Variants in UNC5C observed in about 807,000 individuals in gnomAD.
The protein encoded by UNC5C is unc-5 netrin receptor C, also known as netrin receptor UNC5C.
Under a neutral mutation model 99.8 loss-of-function variants are expected in UNC5C, and 47 were observed. The observed-to-expected ratio is 0.47, with a 90% CI of 0.37 to 0.60. The LOEUF is 0.60. Among genes scored for constraint, UNC5C ranks in the 20% least tolerant of loss-of-function variants. UNC5C has a pLI of 0.00. For missense variants in UNC5C, 1,062 were observed against 1,165.9 expected (o/e 0.91, Z 1.30); for synonymous variants, 487 against 452.2 (o/e 1.08, Z -0.98).
chr4:95,511,701 G>A (rs965567040), intron 1 of UNC5C, among the ~76,000 whole-genome samples: 3 of 152,116 alleles, frequency 2.0e-5, no homozygotes, highest in Non-Finnish European at 4.4e-5. Flanking sequence ...CCTGCTAGAT[G>A]CATAGGAGAT....
intron 2 of UNC5C, among the ~76,000 whole-genome samples, chr4:95,332,044 C>T (rs1311577360): frequency 2.0e-5 from 3 of 152,010 alleles, no homozygotes; most frequent in Non-Finnish European, 2.9e-5. Context: ...AGGAGAACTA[C>T]AAACCACTGC....
chr4:95,383,262 TACAC>T (rs35068196), intron 1 of UNC5C, among the ~76,000 whole-genome samples: 33,961 of 150,818 alleles, frequency 0.23, 4,424 homozygotes, highest in East Asian at 0.63. Flanking sequence ...TGTGTGTGTT[TACAC>T]ACACACACAC....
At chr4:95,270,124 T>G (rs1028195714) in intron 4 of UNC5C, among the ~76,000 whole-genome samples, 1 of 152,196 alleles carries the variant, frequency 6.6e-6, no homozygotes, top group Non-Finnish European at 1.5e-5. Flanking sequence ...TATTATTTTC[T>G]TATTTCTCCC....
chr4:95,224,343 G>A (rs947868246), intron 7 of UNC5C, among the ~76,000 whole-genome samples: 1 of 152,196 alleles, frequency 6.6e-6, no homozygotes, highest in African/African-American at 2.4e-5. Flanking sequence ...GCTGCGTCTT[G>A]CAAAAGGAAA....
chr4:95,544,520 C>T (rs1723009181), intron 1 of UNC5C, among the ~76,000 whole-genome samples: 4 of 152,190 alleles, frequency 2.6e-5, no homozygotes, highest in Admixed American at 2.6e-4. Flanking sequence ...CCTGTGTCCG[C>T]TTTTATACTT....
At chr4:95,480,931 C>T (rs979382950) in intron 1 of UNC5C, among the ~76,000 whole-genome samples, 3 of 151,230 alleles carry the variant, frequency 2.0e-5, no homozygotes, top group African/African-American at 7.3e-5. Flanking sequence ...TGGAAGCATT[C>T]CCTTTGAAAA....
intron 3 of UNC5C, among the ~76,000 whole-genome samples, chr4:95,298,771 A>G (rs1008824193): frequency 6.6e-6 from 1 of 152,126 alleles, no homozygotes; most frequent in African/African-American, 2.4e-5. Context: ...TTTTGTTTCT[A>G]GTACCAACCC....
chr4:95,242,425 T>A lies in UNC5C; in HGVS notation c.1108+4A>T. ...ATGTCTGCAGTTTGCTTAAATTGAC[T>A]TACTCTGCATGCAAAGCCCATCAGT... On this transcript the variant is annotated splice_donor_region_variant and intron_variant, in intron 7 of 15. Transcript: ENST00000453304. The A allele has an allele frequency of 6.2e-7, 1 of 1,614,156 alleles. No individual in the cohort carries two copies. The highest frequency in any genetic ancestry group is 8.5e-7 in the Non-Finnish European group (1 of 1,180,010).
chr4:95,270,754 T>C (rs776780622), intron 4 of UNC5C, among the ~76,000 whole-genome samples: 1 of 152,214 alleles, frequency 6.6e-6, no homozygotes, highest in Non-Finnish European at 1.5e-5. Context: ...AAAATGACTA[T>C]ATGTAATAAC....
intron 1 of UNC5C, among the ~76,000 whole-genome samples, chr4:95,398,322 C>T (rs930438367): frequency 2.0e-5 from 3 of 152,030 alleles, no homozygotes; most frequent in African/African-American, 7.2e-5. Context: ...AAGAAACCAT[C>T]ATCCCTTGAT....
intron 1 of UNC5C, among the ~76,000 whole-genome samples, chr4:95,477,686 C>T (rs549807255): frequency 3.9e-5 from 6 of 152,024 alleles, no homozygotes; most frequent in Non-Finnish European, 5.9e-5. Context: ...GTTCAGCAAA[C>T]TCCTGTTACA....
chr4:95,305,829 A>T (rs1742042381), intron 2 of UNC5C, among the ~76,000 whole-genome samples: 1 of 152,202 alleles, frequency 6.6e-6, no homozygotes. Context: ...GAATATAGAA[A>T]TTCAGATTCA....
chr4:95,482,498 C>T (rs1721190523), intron 1 of UNC5C, among the ~76,000 whole-genome samples: 2 of 148,778 alleles, frequency 1.3e-5, no homozygotes, highest in Admixed American at 1.3e-4. Flanking sequence ...ACCCAGCCAT[C>T]CCATTACTGG....
Position 95,350,249 on chromosome 4 carries a change from A to T in UNC5C, c.125-14618T>A, listed in dbSNP as rs1467619418. ...ACGCCTGTAATTCCAGCACTTTGGG[A>T]GGCCGAAGTGGGCAGATCATGAAGT... On this transcript the variant is annotated intron_variant, in intron 1 of 15. Coordinates refer to ENST00000453304, the MANE Select transcript of UNC5C (RefSeq NM_003728.4). Among the ~76,000 whole-genome samples the T allele has an allele frequency of 3.9e-5, 6 of 152,016 alleles. No homozygotes were observed. The South Asian group carries it at 6.2e-4, about 16-fold the overall frequency.
rs116298607 is a variant in UNC5C at position 95,534,358 on chromosome 4, T to C, written c.124+14376A>G. ...AATATATTGGGTTATGTTCTTCCTA[T>C]CAAGTTGACACATTCTGAAGATAAG... is the stretch of plus-strand genomic sequence containing the variant. On this transcript the variant is annotated intron_variant, in intron 1 of 15. Coordinates refer to ENST00000453304, the MANE Select transcript of UNC5C (RefSeq NM_003728.4). 4.9e-3 allele frequency among the ~76,000 whole-genome samples: 748 copies of C among 152,324 alleles called. 5 individuals carry two copies. Among genetic ancestry groups the C allele is most frequent in the African/African-American group, 0.014 (593 of 41,584 alleles).
chr4:95,424,677 A>G (rs1482509659), intron 1 of UNC5C, among the ~76,000 whole-genome samples: 2 of 150,722 alleles, frequency 1.3e-5, no homozygotes, highest in Admixed American at 6.6e-5. Flanking sequence ...GCCCCCCACC[A>G]CGCCCAGCTA....
chr4:95,352,599 A>G (rs1744030304), intron 1 of UNC5C, among the ~76,000 whole-genome samples: 1 of 152,154 alleles, frequency 6.6e-6, no homozygotes, highest in South Asian at 2.1e-4. Context: ...TTGACATCAG[A>G]TGAACTTATC....
At chr4:95,319,763 T>G (rs1742610863) in intron 2 of UNC5C, among the ~76,000 whole-genome samples, 1 of 152,146 alleles carries the variant, frequency 6.6e-6, no homozygotes, top group East Asian at 1.9e-4. Context: ...GTGGAAATTT[T>G]TAACTAAAAA....
chr4:95,383,021 T>C (rs1332664252), intron 1 of UNC5C, among the ~76,000 whole-genome samples: 2 of 152,148 alleles, frequency 1.3e-5, no homozygotes, highest in Non-Finnish European at 2.9e-5. Flanking sequence ...TTTCCCCAAA[T>C]TTCCATTTAC....
Sources: allele counts gnomAD v4.1 joint callset (sites outside exome capture counted in the v4.1 genomes callset), GRCh38; gene constraint gnomAD v4.1.1; transcripts MANE v1.5; gene names NCBI Gene and HGNC (gene_info 2026-07-23, HGNC 2026-07-21).